Variants in TPRG1 observed in about 807,000 individuals in gnomAD.
TPRG1 encodes tumor protein p63-regulated gene 1 protein.
Under a neutral mutation model 29.3 loss-of-function variants are expected in TPRG1, and 29 were observed. The ratio of observed to expected loss-of-function variants is 0.99; its 90% CI spans 0.74 to 1.35. TPRG1 has a LOEUF of 1.35. TPRG1 is among the 40% of genes most tolerant of loss of function. The probability of loss-of-function intolerance (pLI) is 0.00; values close to 1 mark genes in which losing one functional copy is unlikely to be tolerated. For missense variants in TPRG1, 327 were observed against 335.0 expected, an observed-to-expected ratio of 0.98 and a Z score of 0.19; for synonymous variants, 130 against 116.8, an observed-to-expected ratio of 1.11 and a Z score of -0.73.
chr3:189,175,953 A>G (rs1320576527), intron 1 of TPRG1, among the ~76,000 whole-genome samples: 1 of 152,196 alleles, frequency 6.6e-6, no homozygotes, highest in Non-Finnish European at 1.5e-5. Flanking sequence ...TCTATAAGGA[A>G]CAGGCATAGA....
At chr3:189,145,635 C>T (rs1297918765) in intron 3 of TPRG1, among the ~76,000 whole-genome samples, 1 of 152,110 alleles carries the variant, frequency 6.6e-6, no homozygotes, top group Non-Finnish European at 1.5e-5. Context: ...CAGCTAGTAT[C>T]ATGCTTGGCA....
chr3:189,292,620 C>A (rs753405195), intron 4 of TPRG1, among the ~76,000 whole-genome samples: 8 of 152,178 alleles, frequency 5.3e-5, no homozygotes, highest in Non-Finnish European at 1.0e-4. Flanking sequence ...TTCTTCCCTA[C>A]TCTTCAAACT....
At chr3:189,310,292 G>T in intron 4 of TPRG1, 94 bp from the exon 5 acceptor site, 2 of 1,064,712 alleles carry the variant, frequency 1.9e-6, no homozygotes, top group Non-Finnish European at 1.3e-6. Flanking sequence ...AACTAGTTGG[G>T]AGTTAATATG....
At chr3:189,245,530 A>G (rs1377865745) in intron 4 of TPRG1, among the ~76,000 whole-genome samples, 1 of 152,060 alleles carries the variant, frequency 6.6e-6, no homozygotes, top group Admixed American at 6.5e-5. Context: ...TCTTAATTAT[A>G]CTTAATTCTA....
intron 3 of TPRG1, among the ~76,000 whole-genome samples, chr3:189,231,751 T>G (rs959576754): frequency 6.6e-6 from 1 of 152,210 alleles, no homozygotes; most frequent in Non-Finnish European, 1.5e-5. Flanking sequence ...TGCTCAGGAA[T>G]CTTGTGCTCA....
chr3:189,006,383 A>G (rs1712287386), intron 3 of TPRG1, among the ~76,000 whole-genome samples: 1 of 152,186 alleles, frequency 6.6e-6, no homozygotes, highest in Admixed American at 6.6e-5. Flanking sequence ...AAAGTGATAA[A>G]TGATGCAATA....
chr3:189,019,967 G>T (rs1363087770), intron 3 of TPRG1, among the ~76,000 whole-genome samples: 4 of 151,458 alleles, frequency 2.6e-5, no homozygotes, highest in Non-Finnish European at 5.9e-5. Context: ...TTGGGAGTGT[G>T]TATGTGTCGA....
At chr3:189,145,966 A>G (rs1195371776) in intron 3 of TPRG1, among the ~76,000 whole-genome samples, 1 of 152,236 alleles carries the variant, frequency 6.6e-6, no homozygotes, top group Non-Finnish European at 1.5e-5. Flanking sequence ...AATGGCTGCC[A>G]TATTGAAGAG....
intron 4 of TPRG1, among the ~76,000 whole-genome samples, chr3:189,083,861 T>G (rs1054276005): frequency 6.8e-6 from 1 of 147,832 alleles, no homozygotes; most frequent in African/African-American, 2.5e-5. Flanking sequence ...CTGAGGATAG[T>G]AACACCTCCT....
At chr3:189,209,310 G>A (rs1329360078) in intron 2 of TPRG1, among the ~76,000 whole-genome samples, 2 of 152,204 alleles carry the variant, frequency 1.3e-5, no homozygotes, top group African/African-American at 4.8e-5. Flanking sequence ...ATCTTCAACA[G>A]GGAAAACGAC....
chr3:189,081,756 C>A (rs1200447222), intron 4 of TPRG1, among the ~76,000 whole-genome samples: 1 of 152,158 alleles, frequency 6.6e-6, no homozygotes, highest in Non-Finnish European at 1.5e-5. Context: ...TCCATGATTT[C>A]TTTCCTTGTT....
chr3:189,167,878 T>C (rs1728350794), upstream of TPRG1, among the ~76,000 whole-genome samples: 1 of 152,184 alleles, frequency 6.6e-6, no homozygotes, highest in Admixed American at 6.5e-5. Flanking sequence ...GACCTTATTT[T>C]GCAAAGGAGA....
intron 5 of TPRG1, among the ~76,000 whole-genome samples, chr3:189,312,146 T>TC (rs1560689224): frequency 6.3e-5 from 3 of 47,798 alleles, no homozygotes; most frequent in African/African-American, 9.0e-5. Context: ...TCTTTCTTTC[T>TC]TTCTTTCTTT....
intron 2 of TPRG1, among the ~76,000 whole-genome samples, chr3:189,001,850 T>C (rs1263436806): frequency 8.5e-5 from 13 of 152,174 alleles, no homozygotes; most frequent in Admixed American, 7.9e-4. Context: ...AGTGTGAGGA[T>C]TGGAAATACA....
rs182168873 is a variant in TPRG1, at chr3:189,265,821, A to G, written c.479+26912A>G. On this transcript the variant is annotated intron_variant, in intron 4 of 5. Transcript: ENST00000345063. ...ATGGCAGAGTGGGGAGCGGGAAGGA[A>G]TGTGGCTTTCTAGTGACTTTGTGGA... Among the ~76,000 whole-genome samples, 198 of 152,288 alleles carry G rather than the reference A, an allele frequency of 1.3e-3. 1 individual carries two copies. Among genetic ancestry groups the G allele is most frequent in the African/African-American group, 4.3e-3 (178 of 41,566 alleles).
At chr3:189,219,524 A>AC in intron 3 of TPRG1, 1 of 1,180,412 alleles carries the variant, frequency 8.5e-7, no homozygotes, top group Non-Finnish European at 1.1e-6. Context: ...TTCTGAAAAA[A>AC]AAAAAAAAAG....
At chr3:189,219,601 T>C in intron 3 of TPRG1, 1 of 1,288,824 alleles carries the variant, frequency 7.8e-7, no homozygotes. Context: ...AAGGAGAACA[T>C]CTTGACACTT....
At position 189,323,379 on chromosome 3, in the gene TPRG1, G is replaced by A. The variant is rs185864823; in HGVS notation, c.*2559G>A. 9.3e-4 allele frequency: 141 copies of A among 152,160 alleles called. No individual in the cohort carries two copies. The highest frequency in any genetic ancestry group is 3.3e-3 in the African/African-American group (136 of 41,526). The allele number at this position is 152,160 out of a possible 1,614,324, so 9.4% of individuals were successfully genotyped here. On this transcript the variant is annotated 3_prime_UTR_variant, in exon 6 of 6. Transcript: ENST00000345063. ...TTCCTAAGGTTTAATTTCCTCTTCT[G>A]CGAAATGGAGACAATTATATTACTT...
chr3:189,165,863 A>T (rs1349930825), intron 5 of TPRG1, among the ~76,000 whole-genome samples: 19 of 152,204 alleles, frequency 1.2e-4, no homozygotes, highest in Admixed American at 1.2e-3. Context: ...AGTGTTGCCA[A>T]TATGGAAAAT....
Sources: allele counts gnomAD v4.1 joint callset (sites outside exome capture counted in the v4.1 genomes callset), GRCh38; gene constraint gnomAD v4.1.1; transcripts MANE v1.5; gene names NCBI Gene and HGNC (gene_info 2026-07-23, HGNC 2026-07-21).